Variants in FXR2 observed in about 807,000 individuals in gnomAD.
FXR2 encodes the protein RNA-binding protein FXR2.
In FXR2, 9 loss-of-function variants were observed where a neutral mutation model predicts 87.3. The ratio of observed to expected loss-of-function variants is 0.10; its 90% CI spans 0.06 to 0.18. The LOEUF (loss-of-function observed/expected upper bound fraction) is 0.18. Among genes scored for constraint, FXR2 ranks in the 10% least tolerant of loss-of-function variants. FXR2 has a pLI of 1.00. For missense variants in FXR2, 661 were observed against 893.6 expected (o/e 0.74, Z 3.32); for synonymous variants, 331 against 328.3 (o/e 1.01, Z -0.09).
intron 1 of FXR2, among the ~76,000 whole-genome samples, chr17:7,608,617 A>C (rs2150946988): frequency 1.7e-5 from 1 of 60,496 alleles, no homozygotes; most frequent in Non-Finnish European, 6.2e-5. Flanking sequence ...ACTCTGCCTC[A>C]AAAAAAAAAA....
Position 7,594,537 on chromosome 17 carries a change from T to G in FXR2, c.910+142A>C. On this transcript the variant is annotated intron_variant, in intron 9 of 16. Coordinates refer to ENST00000250113, the MANE Select transcript of FXR2 (RefSeq NM_004860.4). This position sits in a 1 kb window ranked among gnomAD's most constrained non-coding sequence, Gnocchi z 5.1. The stretch of plus-strand genomic sequence containing the variant: ...CCCTAGAAATTTATTCTTTCATTTT[T>G]ATCACTCCCATTACAGACTGTTTCT... The G allele has an allele frequency of 1.4e-6, 1 of 715,656 alleles. No individual in the cohort carries two copies. Among genetic ancestry groups the G allele is most frequent in the Non-Finnish European group, 2.5e-6 (1 of 405,648 alleles). The allele number at this position is 715,656 out of a possible 1,614,324, so 44.3% of individuals were successfully genotyped here.
intron 1 of FXR2, among the ~76,000 whole-genome samples, chr17:7,608,632 A>G (rs2071824553): frequency 6.6e-6 from 1 of 150,570 alleles, no homozygotes; most frequent in African/African-American, 2.4e-5. Context: ...AAAAAAAAGA[A>G]GAAAAGAAGA....
At chr17:7,600,153 C>A (rs1285687265) in intron 7 of FXR2, among the ~76,000 whole-genome samples, 1 of 152,080 alleles carries the variant, frequency 6.6e-6, no homozygotes, top group African/African-American at 2.4e-5. Context: ...CCCGCCTCAG[C>A]CTCCCAAAGT....
intron 1 of FXR2, 33 bp from the exon 2 acceptor site, chr17:7,606,182 T>C (rs1212836520): frequency 2.1e-6 from 3 of 1,397,318 alleles, no homozygotes; most frequent in Non-Finnish European, 3.0e-6. Context: ...GCAAAAAAAA[T>C]AAAATGACCT....
rs757137967 is a variant in FXR2, at chr17:7,592,612, A to C, written c.1730-13T>G. ...CTTGATTCATCTTCTGTAGGGTAGGAAAAAACCAGAGTCACACATCCAACC... is the reference window on the plus strand; with the variant it reads ...CTTGATTCATCTTCTGTAGGGTAGGCAAAAACCAGAGTCACACATCCAACC... On this transcript the variant is annotated splice_polypyrimidine_tract_variant and intron_variant, in intron 14 of 16. Transcript: ENST00000250113. This position sits in a 1 kb window ranked among gnomAD's most constrained non-coding sequence, Gnocchi z 4.8. 1 of 1,613,134 alleles carries C rather than the reference A, an allele frequency of 6.2e-7. No individual in the cohort carries two copies. The highest frequency in any genetic ancestry group is 8.5e-7 in the Non-Finnish European group (1 of 1,179,476).
chr17:7,593,134 T>C lies in FXR2; in HGVS notation c.1378A>G (p.Arg460Gly). The change falls in exon 13 of 17, where the codon AGA (arginine) becomes GGA (glycine). Residue 460 changes from arginine to glycine, a missense_variant. Physicochemically the swap from Arg to Gly is moderately radical, Grantham distance 125. Around this residue, in one of 3 missense-constraint regions of FXR2, gnomAD observed 409 missense variants for 432.0 expected, o/e 0.95. Coordinates refer to ENST00000250113, the MANE Select transcript of FXR2 (RefSeq NM_004860.4). The surrounding 1 kb of genome is among the most constrained non-coding windows in gnomAD (Gnocchi z 6.1). ...STASETESEK[R>G]EEPNRAGPGD... is the part of the protein sequence containing the mutation. ...GGCCCAGCTCGGTTGGGCTCCTCTCTCTTCTCTGACTCAGTCTCTGAAGCT... is the reference window on the plus strand; with the variant it reads ...GGCCCAGCTCGGTTGGGCTCCTCTCCCTTCTCTGACTCAGTCTCTGAAGCT... 1 of 1,564,036 alleles carries C rather than the reference T, an allele frequency of 6.4e-7. No individual in the cohort carries two copies. The highest frequency in any genetic ancestry group is 1.4e-5 in the African/African-American group (1 of 72,756).
chr17:7,592,470 T>C lies in FXR2; in HGVS notation c.1825+34A>G, dbSNP rs760964848. The stretch of plus-strand genomic sequence containing the variant: ...GGTGAGCATCCCATTCTCTCAGCTC[T>C]GAGGAAGGATTCTGGTGTCCAGAGT... On this transcript the variant is annotated intron_variant, in intron 15 of 16. Transcript: ENST00000250113. This position sits in a 1 kb window ranked among gnomAD's most constrained non-coding sequence, Gnocchi z 4.8. The C allele has an allele frequency of 1.9e-5, 31 of 1,597,306 alleles. No homozygotes were observed. Among genetic ancestry groups the C allele is most frequent in the African/African-American group, 4.0e-5 (3 of 74,590 alleles).
At position 7,591,647 on chromosome 17, in the gene FXR2, G is replaced by A. The variant is rs1358199772; in HGVS notation, c.*183C>T. 3.2e-6 allele frequency: 2 copies of A among 615,548 alleles called. No individual in the cohort carries two copies. The highest frequency in any genetic ancestry group is 5.9e-6 in the Non-Finnish European group (2 of 340,560). The allele number at this position is 615,548 out of a possible 1,614,324, so 38.1% of individuals were successfully genotyped here. A position where few individuals can be genotyped will look rare whatever the true frequency, so the allele number is the denominator to read the frequency against. ...CTGGGGGTAGGGTGGACAAGAGGGA[G>A]GGGGTATGACCCTGTTACACACCCC... On this transcript the variant is annotated 3_prime_UTR_variant, in exon 17 of 17. Transcript: ENST00000250113. The surrounding 1 kb of genome is among the most constrained non-coding windows in gnomAD (Gnocchi z 4.0).
rs375079818 is a variant in FXR2 at position 7,591,882 on chromosome 17, C to A, written c.1970G>T (p.Gly657Val). 8.7e-6 allele frequency: 14 copies of A among 1,607,540 alleles called. No individual in the cohort carries two copies. In the Admixed American group the frequency reaches 1.2e-4, roughly 13 times the overall value. ...SKLPKGPSEN[G>V]ELSAPLELGS... ...CAACTCCAAGGGGGCGGAGAGCTCC[C>A]CATTCTCCGAGGGGCCCTTAGGAAG... Residue 657 changes from glycine to valine, a missense_variant, in exon 17 of 17, where the codon GGG becomes GTG. By Grantham distance (109) the Gly-to-Val change is moderately radical. Transcript: ENST00000250113. This position sits in a 1 kb window ranked among gnomAD's most constrained non-coding sequence, Gnocchi z 4.0.
Position 7,602,935 on chromosome 17 carries a change from T to C in FXR2, c.517A>G (p.Ile173Val). ...AGAATGAAGAGCTCACTGTTTGTGA[T>C]GTTGAGAAAGATGCAGTTGGCTCCC... is the stretch of plus-strand genomic sequence containing the variant. ...ALGANCIFLNITNSELFILST... is the reference protein window; with the variant it reads ...ALGANCIFLNVTNSELFILST... Residue 173 changes from isoleucine to valine, a missense_variant, in exon 6 of 17, where the codon ATC becomes GTC. Physicochemically the swap from Ile to Val is conservative, Grantham distance 29. Coordinates refer to ENST00000250113, the MANE Select transcript of FXR2 (RefSeq NM_004860.4). 6.4e-7 allele frequency: 1 copy of C among 1,558,770 alleles called. No homozygotes were observed. The highest frequency in any genetic ancestry group is 8.8e-7 in the Non-Finnish European group (1 of 1,130,634).
chr17:7,613,424 AT>A (rs1178282565), intron 1 of FXR2, among the ~76,000 whole-genome samples: 1 of 152,164 alleles, frequency 6.6e-6, no homozygotes, highest in Admixed American at 6.5e-5. Flanking sequence ...TGGGAAAAAA[AT>A]GTCCTAGAAA....
chr17:7,599,179 A>G (rs1277534805), intron 7 of FXR2, among the ~76,000 whole-genome samples: 1 of 151,660 alleles, frequency 6.6e-6, no homozygotes, highest in African/African-American at 2.4e-5. Context: ...ATGCACCTGT[A>G]ATCCCACCCA....
chr17:7,594,175 C>G lies in FXR2; in HGVS notation c.1020+63G>C. ...CCTCTCAAAGAACAATCCCAGCCCT[C>G]AGAGGACAATCCCATTTACTTCTGG... On this transcript the variant is annotated intron_variant, in intron 10 of 16. Coordinates refer to ENST00000250113, the MANE Select transcript of FXR2 (RefSeq NM_004860.4). The surrounding 1 kb of genome is among the most constrained non-coding windows in gnomAD (Gnocchi z 5.1). The G allele has an allele frequency of 2.0e-6, 2 of 1,022,036 alleles. No homozygotes were observed. Among genetic ancestry groups the G allele is most frequent in the South Asian group, 2.6e-5 (2 of 76,554 alleles). 63.3% of individuals were successfully genotyped at this position (1,022,036 alleles called of 1,614,324 possible).
chr17:7,598,013 C>G lies in FXR2; in HGVS notation c.661-2019G>C, dbSNP rs557921745. 2.0e-5 allele frequency among the ~76,000 whole-genome samples: 3 copies of G among 151,166 alleles called. No homozygotes were observed. The East Asian group carries it at 5.8e-4, about 29-fold the overall frequency. ...GCCTGTCAGTCCTACTGGTTTTACT[C>G]GTAAAATTTATCCTACATAAAACTA... On this transcript the variant is annotated intron_variant, in intron 7 of 16. Coordinates refer to ENST00000250113, the MANE Select transcript of FXR2 (RefSeq NM_004860.4).
At chr17:7,609,980 A>ATATACATACATGTATACATGTATG (rs1567753909) in intron 1 of FXR2, among the ~76,000 whole-genome samples, 1 of 60,732 alleles carries the variant, frequency 1.6e-5, no homozygotes, top group Non-Finnish European at 4.1e-5. Context: ...ATATGTATAC[A>ATATACATACATGTATACATGTATG]TATATATATA....
At chr17:7,597,793 T>C (rs2071720325) in intron 7 of FXR2, among the ~76,000 whole-genome samples, 2 of 151,390 alleles carry the variant, frequency 1.3e-5, no homozygotes, top group South Asian at 2.1e-4. Flanking sequence ...TTTGGCCCCA[T>C]TCCCCTCCCA....
chr17:7,613,046 G>A (rs1227019123), intron 1 of FXR2, among the ~76,000 whole-genome samples: 1 of 143,668 alleles, frequency 7.0e-6, no homozygotes, highest in Admixed American at 7.1e-5. Flanking sequence ...CTTAGCAACT[G>A]AAGTACAGGC....
chr17:7,602,586 C>T (rs901235667), intron 6 of FXR2: 21 of 171,892 alleles, frequency 1.2e-4, no homozygotes, highest in Non-Finnish European at 8.5e-5. Context: ...AAAAATTAGC[C>T]GGCGTGGTGA....
intron 6 of FXR2, among the ~76,000 whole-genome samples, chr17:7,602,523 G>A (rs1016830740): frequency 5.3e-5 from 8 of 151,772 alleles, no homozygotes; most frequent in African/African-American, 1.2e-4. Context: ...AGCCGAGATC[G>A]CGCCACTGCA....
Sources: gnomAD v4.1 joint callset for allele counts (sites outside exome capture counted in the v4.1 genomes callset) on GRCh38, gnomAD v4.1.1 for gene constraint, gnomAD v4.1.1 regional missense constraint, Gnocchi (gnomAD v3.1) non-coding constraint, MANE v1.5 for transcripts, NCBI Gene and HGNC (gene_info 2026-07-23, HGNC 2026-07-21) for gene names.